The following MGAT5 variants were observed in gnomAD, a reference collection of about 807,000 sequenced individuals.
MGAT5 encodes alpha-1,6-mannosylglycoprotein 6-beta-N-acetylglucosaminyltransferase A.
In MGAT5, 30 loss-of-function variants were observed where a neutral mutation model predicts 94.3. That is an observed-to-expected ratio of 0.32 (90% confidence interval 0.24 to 0.43). The LOEUF (loss-of-function observed/expected upper bound fraction) is 0.43, where lower values mean the gene tolerates loss of function less well. MGAT5 is among the 20% of genes least tolerant of loss of function. MGAT5 has a pLI of 1.00. For missense variants in MGAT5, 691 were observed against 905.5 expected (o/e 0.76, Z 3.04); for synonymous variants, 310 against 322.9 (o/e 0.96, Z 0.43).
At chr2:134,132,822 G>A (rs1297148239) in intron 1 of MGAT5, among the ~76,000 whole-genome samples, 1 of 152,152 alleles carries the variant, frequency 6.6e-6, no homozygotes, top group Non-Finnish European at 1.5e-5. Flanking sequence ...GAACACATGT[G>A]GCAGATGTGA....
rs1260090049 is a variant in MGAT5 at position 134,200,246 on chromosome 2, C to T, written c.-142-54016C>T. Among the ~76,000 whole-genome samples, 3 of 149,060 alleles carry T rather than the reference C, an allele frequency of 2.0e-5. No homozygotes were observed. The South Asian group carries it at 6.4e-4, about 32-fold the overall frequency. Reference sequence around the variant, plus strand: ...TGACTGACTGACCTTGGTAAGGACACCATAGTGGTCACGCTTGAGGGGTTT... The same window carrying T: ...TGACTGACTGACCTTGGTAAGGACATCATAGTGGTCACGCTTGAGGGGTTT... On this transcript the variant is annotated intron_variant, in intron 1 of 16. Coordinates refer to the MGAT5 transcript ENST00000409645.
chr2:134,120,793 G>A (rs942910474), intron 1 of MGAT5, among the ~76,000 whole-genome samples: 1 of 152,040 alleles, frequency 6.6e-6, no homozygotes, highest in South Asian at 2.1e-4. Flanking sequence ...TGGGGAGGAA[G>A]GAAGAAGGAG....
chr2:134,241,108 G>A (rs1425854014), intron 1 of MGAT5, among the ~76,000 whole-genome samples: 1 of 152,234 alleles, frequency 6.6e-6, no homozygotes, highest in Non-Finnish European at 1.5e-5. Context: ...CACCCTAAAT[G>A]TAATCTTCAT....
At chr2:134,392,871 G>T (rs1465556749) in intron 10 of MGAT5, among the ~76,000 whole-genome samples, 3 of 142,792 alleles carry the variant, frequency 2.1e-5, no homozygotes, top group African/African-American at 7.9e-5. Context: ...CCCTGGGTCA[G>T]TGGACCCAGC....
At chr2:134,135,932 T>C (rs1277099368) in intron 1 of MGAT5, among the ~76,000 whole-genome samples, 1 of 152,118 alleles carries the variant, frequency 6.6e-6, no homozygotes. Flanking sequence ...AAAATTAGGT[T>C]GTCACATGAG....
intron 9 of MGAT5, among the ~76,000 whole-genome samples, chr2:134,356,459 G>A (rs1195908890): frequency 1.3e-5 from 2 of 152,100 alleles, no homozygotes; most frequent in African/African-American, 4.8e-5. Flanking sequence ...TTTGGTTGTC[G>A]ATTTTATCCA....
intron 10 of MGAT5, among the ~76,000 whole-genome samples, chr2:134,377,864 C>T (rs1244816270): frequency 6.6e-6 from 1 of 152,184 alleles, no homozygotes; most frequent in African/African-American, 2.4e-5. Context: ...GACTAATGCT[C>T]ATACTAGCAG....
chr2:134,131,572 ATTTTTTTTTTTT>A (rs10617178), intron 1 of MGAT5, among the ~76,000 whole-genome samples: 1 of 85,230 alleles, frequency 1.2e-5, no homozygotes, highest in Non-Finnish European at 2.4e-5. Flanking sequence ...TGGTAGATTG[ATTTTTTTTTTTT>A]TTTTTTTTTT....
chr2:134,122,121 A>T (rs1375293941), intron 1 of MGAT5, among the ~76,000 whole-genome samples: 5 of 142,746 alleles, frequency 3.5e-5, no homozygotes, highest in Non-Finnish European at 6.1e-5. Context: ...TTTTTTTTTT[A>T]AAGATGGAGT....
At chr2:134,225,771 A>T (rs1681028207) in intron 1 of MGAT5, among the ~76,000 whole-genome samples, 1 of 152,206 alleles carries the variant, frequency 6.6e-6, no homozygotes, top group African/African-American at 2.4e-5. Flanking sequence ...ATGTAAAGGG[A>T]AAACTTTATC....
rs1001177354 is a variant in MGAT5 at position 134,336,748 on chromosome 2, T to C, written c.645+460T>C. The stretch of plus-strand genomic sequence containing the variant: ...GTCAAGGAGAAAAGGGTATCTCTCG[T>C]GTGGGAAAATGAGAGCATAGCAGTT... On this transcript the variant is annotated intron_variant, in intron 5 of 15. Coordinates refer to ENST00000281923, the MANE Select transcript of MGAT5 (RefSeq NM_002410.5). 9.9e-5 allele frequency among the ~76,000 whole-genome samples: 15 copies of C among 152,172 alleles called. No individual in the cohort carries two copies. In the East Asian group the frequency reaches 2.9e-3, roughly 29 times the overall value.
chr2:134,359,937 G>A (rs1054005373), intron 9 of MGAT5, among the ~76,000 whole-genome samples: 6 of 152,162 alleles, frequency 3.9e-5, no homozygotes, highest in Admixed American at 6.5e-5. Flanking sequence ...GGCGAGTCAT[G>A]GCTGAGCAAA....
At position 134,336,204 on chromosome 2, in the gene MGAT5, T is replaced by C; in HGVS notation, c.574-13T>C. The C allele has an allele frequency of 6.2e-7, 1 of 1,609,690 alleles. No homozygotes were observed. Among genetic ancestry groups the C allele is most frequent in the Non-Finnish European group, 8.5e-7 (1 of 1,177,032 alleles). On this transcript the variant is annotated splice_polypyrimidine_tract_variant and intron_variant, in intron 4 of 15. Coordinates refer to ENST00000281923, the MANE Select transcript of MGAT5 (RefSeq NM_002410.5). ...GATGAAGCTGCATATTTAGTGTCAC[T>C]GATGCTTTTTAGGTTGAAAATTGGT...
At chr2:134,154,116 A>G (rs1166772338) in intron 1 of MGAT5, among the ~76,000 whole-genome samples, 3 of 152,324 alleles carry the variant, frequency 2.0e-5, no homozygotes, top group South Asian at 2.1e-4. Flanking sequence ...TGTTATTAAT[A>G]GTTTCCACTT....
At chr2:134,326,038 T>C (rs1041822187) in intron 4 of MGAT5, among the ~76,000 whole-genome samples, 1 of 135,542 alleles carries the variant, frequency 7.4e-6, no homozygotes, top group Non-Finnish European at 1.6e-5. Context: ...TGATTTCTCT[T>C]TCTCTCTCTC....
Position 134,223,007 on chromosome 2 carries a change from AT to A in MGAT5, c.-142-31254del, listed in dbSNP as rs1558995577. ...AAAAATATGTATATTATATATCTATATCTATATTTATCTTCACAACTTATAA... is the reference window on the plus strand; with the variant it reads ...AAAAATATGTATATTATATATCTATACTATATTTATCTTCACAACTTATAA... On this transcript the variant is annotated intron_variant, in intron 1 of 16. Coordinates refer to the MGAT5 transcript ENST00000409645. Among the ~76,000 whole-genome samples the A allele has an allele frequency of 2.0e-5, 3 of 152,224 alleles. No individual in the cohort carries two copies. The South Asian group carries it at 6.2e-4, about 32-fold the overall frequency.
intron 1 of MGAT5, among the ~76,000 whole-genome samples, chr2:134,220,418 G>T (rs71415597): frequency 6.6e-6 from 1 of 152,158 alleles, no homozygotes; most frequent in East Asian, 1.9e-4. Flanking sequence ...TGCACTAATG[G>T]AAAGGAGCAG....
chr2:134,322,240 A>G (rs745345466), intron 4 of MGAT5, among the ~76,000 whole-genome samples: 2 of 152,286 alleles, frequency 1.3e-5, no homozygotes, highest in Middle Eastern at 3.4e-3. Context: ...CTTGGACATT[A>G]TATGTGGGAA....
intron 1 of MGAT5, among the ~76,000 whole-genome samples, chr2:134,264,015 A>G (rs114197052): frequency 0.033 from 4,088 of 124,704 alleles, 188 homozygotes; most frequent in African/African-American, 0.12. Flanking sequence ...TTATGCCATT[A>G]GGTTTTTTTT....
Sources: allele counts gnomAD v4.1 joint callset (sites outside exome capture counted in the v4.1 genomes callset), GRCh38; gene constraint gnomAD v4.1.1; transcripts MANE v1.5; gene names NCBI Gene and HGNC (gene_info 2026-07-23, HGNC 2026-07-21).